The following DCAF5 variants were observed in gnomAD, a reference collection of about 807,000 sequenced individuals.
DCAF5 encodes the protein DDB1 and CUL4 associated factor 5, also known as DDB1- and CUL4-associated factor 5.
DCAF5 carries 9 observed loss-of-function variants against 80.7 expected under a neutral mutation model. That is an observed-to-expected ratio of 0.11 (90% CI 0.07 to 0.19). The LOEUF (loss-of-function observed/expected upper bound fraction) is 0.19. Among genes scored for constraint, DCAF5 ranks in the 10% least tolerant of loss-of-function variants. The pLI is 1.00. For synonymous variants in DCAF5, 433 were observed against 461.9 expected (o/e 0.94, Z 0.80); for missense variants, 842 against 1,205.7 (o/e 0.70, Z 4.47).
At chr14:69,093,787 T>C (rs762530494) in intron 5 of DCAF5, among the ~76,000 whole-genome samples, 2 of 152,194 alleles carry the variant, frequency 1.3e-5, no homozygotes, top group Non-Finnish European at 2.9e-5. Context: ...CTTTTAGGAT[T>C]GGAATGAAAG....
At chr14:69,063,298 A>G (rs2038299585) in intron 7 of DCAF5, among the ~76,000 whole-genome samples, 1 of 152,208 alleles carries the variant, frequency 6.6e-6, no homozygotes, top group Non-Finnish European at 1.5e-5. Context: ...ACATAGATAA[A>G]CATGTTATCA....
chr14:69,096,495 T>C (rs1214807671), intron 5 of DCAF5, among the ~76,000 whole-genome samples: 1 of 152,228 alleles, frequency 6.6e-6, no homozygotes, highest in Non-Finnish European at 1.5e-5. Context: ...AAGAAATCTT[T>C]ATATAATCAA....
At chr14:69,092,632 T>C (rs1368460691) in intron 5 of DCAF5, among the ~76,000 whole-genome samples, 2 of 152,120 alleles carry the variant, frequency 1.3e-5, no homozygotes, top group African/African-American at 2.4e-5. Flanking sequence ...AATTGAACAA[T>C]AGAAACTTGT....
intron 7 of DCAF5, among the ~76,000 whole-genome samples, chr14:69,069,308 G>C (rs1489842992): frequency 6.6e-6 from 1 of 152,196 alleles, no homozygotes; most frequent in Non-Finnish European, 1.5e-5. Context: ...GGAAAAATTT[G>C]TCACATAAGA....
chr14:69,055,553 T>C lies in DCAF5; in HGVS notation c.1133A>G (p.Asp378Gly). 6.2e-7 allele frequency: 1 copy of C among 1,612,446 alleles called. No homozygotes were observed. The highest frequency in any genetic ancestry group is 8.5e-7 in the Non-Finnish European group (1 of 1,178,564). ...CTGDLDGRIE[D>G]DSRCLYTHEE... is the part of the protein sequence containing the mutation. The stretch of plus-strand genomic sequence containing the variant: ...ATGGGTATAGAGGCAGCGGGAATCG[T>C]CCTCAATCCGACCGTCGAGGTCTCC... The change falls in exon 9 of 9, where the codon GAC becomes GGC. Residue 378 changes from aspartate to glycine, a missense_variant. By Grantham distance (94) the Asp-to-Gly change is moderately conservative. Transcript: ENST00000341516. This position sits in a 1 kb window ranked among gnomAD's most constrained non-coding sequence, Gnocchi z 5.6.
At position 69,139,049 on chromosome 14, in the gene DCAF5, G is replaced by A. The variant is rs113617485; in HGVS notation, c.214+13716C>T. ...GCTTGTAGTCCCAGCTACTCCAGAG[G>A]TTGAGGTGGGAGGATCACTTGAGCC... On this transcript the variant is annotated intron_variant, in intron 1 of 8. Transcript: ENST00000341516. Among the ~76,000 whole-genome samples, 1,051 of 152,244 alleles carry A rather than the reference G, an allele frequency of 6.9e-3. 15 individuals carry two copies. The highest frequency in any genetic ancestry group is 0.024 in the African/African-American group (1,008 of 41,536).
chr14:69,057,165 C>A (rs1417076450), intron 8 of DCAF5, among the ~76,000 whole-genome samples: 1 of 152,122 alleles, frequency 6.6e-6, no homozygotes, highest in Non-Finnish European at 1.5e-5. Flanking sequence ...TTGAGAAACA[C>A]TAGACTACAG....
chr14:69,091,134 G>A (rs752437362), intron 6 of DCAF5: 1 of 752,274 alleles, frequency 1.3e-6, no homozygotes, highest in Non-Finnish European at 2.4e-6. Context: ...CACAGCTTGG[G>A]CTCTCCATTT....
intron 1 of DCAF5, among the ~76,000 whole-genome samples, chr14:69,128,039 T>C (rs2040928091): frequency 6.6e-6 from 1 of 152,160 alleles, no homozygotes; most frequent in Admixed American, 6.5e-5. Context: ...TAGAGGTGCA[T>C]ACTGAAGTGG....
At chr14:69,062,692 A>AT (rs2038265063) in intron 7 of DCAF5, among the ~76,000 whole-genome samples, 181 bp from the exon 8 acceptor site, 1 of 152,220 alleles carries the variant, frequency 6.6e-6, no homozygotes, top group Non-Finnish European at 1.5e-5. Flanking sequence ...AGCTCTCAGC[A>AT]TATGTGCTCT....
At chr14:69,059,044 G>A (rs2139838515) in intron 8 of DCAF5, among the ~76,000 whole-genome samples, 1 of 152,238 alleles carries the variant, frequency 6.6e-6, no homozygotes, top group African/African-American at 2.4e-5. Context: ...CATAAAAATG[G>A]AAAGCAATTA....
At chr14:69,099,496 CA>C (rs1040110707) in intron 5 of DCAF5, among the ~76,000 whole-genome samples, 1 of 151,790 alleles carries the variant, frequency 6.6e-6, no homozygotes, top group Non-Finnish European at 1.5e-5. Flanking sequence ...AGTGATTTAT[CA>C]ATGACCATCC....
intron 7 of DCAF5, among the ~76,000 whole-genome samples, chr14:69,066,799 T>C (rs2038461307): frequency 6.6e-6 from 1 of 152,220 alleles, no homozygotes; most frequent in Non-Finnish European, 1.5e-5. Flanking sequence ...CAGGGGTTTA[T>C]TGCCTCAGGC....
intron 1 of DCAF5, among the ~76,000 whole-genome samples, chr14:69,149,738 C>G (rs1484660436): frequency 6.6e-6 from 1 of 152,188 alleles, no homozygotes; most frequent in Non-Finnish European, 1.5e-5. Context: ...AGACAAGACA[C>G]AAGAACAACA....
intron 1 of DCAF5, among the ~76,000 whole-genome samples, chr14:69,138,578 C>G (rs1367019386): frequency 6.6e-6 from 1 of 152,190 alleles, no homozygotes; most frequent in Non-Finnish European, 1.5e-5. Context: ...AATGCAGAAC[C>G]TCATGACTTT....
At chr14:69,107,635 T>G (rs1473212353) in intron 5 of DCAF5, among the ~76,000 whole-genome samples, 1 of 152,182 alleles carries the variant, frequency 6.6e-6, no homozygotes, top group Non-Finnish European at 1.5e-5. Context: ...CCAGAATACC[T>G]GGCTCTCTGC....
chr14:69,145,292 A>G (rs1363256890), intron 1 of DCAF5, among the ~76,000 whole-genome samples: 2 of 152,164 alleles, frequency 1.3e-5, no homozygotes, highest in Admixed American at 6.5e-5. Flanking sequence ...TGCTGGGATT[A>G]CAGGTGTGAG....
At chr14:69,068,810 T>C (rs943970322) in intron 7 of DCAF5, among the ~76,000 whole-genome samples, 5 of 151,968 alleles carry the variant, frequency 3.3e-5, no homozygotes, top group African/African-American at 9.7e-5. Flanking sequence ...AAGTGAACAG[T>C]TGCAGGGTCT....
chr14:69,084,970 A>C (rs1303123489), intron 6 of DCAF5: 131 of 1,420,134 alleles, frequency 9.2e-5, no homozygotes, highest in Non-Finnish European at 1.3e-4. Context: ...CTCATTTTGC[A>C]CCCAGAAGAA....
Sources: gnomAD v4.1 joint callset for allele counts (sites outside exome capture counted in the v4.1 genomes callset) on GRCh38, gnomAD v4.1.1 for gene constraint, Gnocchi (gnomAD v3.1) non-coding constraint, MANE v1.5 for transcripts, NCBI Gene and HGNC (gene_info 2026-07-23, HGNC 2026-07-21) for gene names.